Variants in TFB1M observed in about 807,000 individuals in gnomAD.
TFB1M encodes dimethyladenosine transferase 1, mitochondrial.
A neutral mutation model predicts 31.1 loss-of-function variants in TFB1M; 27 were observed. The observed-to-expected ratio is 0.87, with a 90% confidence interval of 0.64 to 1.20. TFB1M has a LOEUF of 1.20. TFB1M is among the 50% of genes most tolerant of loss of function. The pLI is 0.00. For synonymous variants in TFB1M, 166 were observed against 151.8 expected, an observed-to-expected ratio of 1.09 and a Z score of -0.69; for missense variants, 394 against 418.7, an observed-to-expected ratio of 0.94 and a Z score of 0.51.
chr6:155,302,145 T>A lies in TFB1M; in HGVS notation c.286-3560A>T, dbSNP rs1330266126. Among the ~76,000 whole-genome samples, 4 of 152,340 alleles carry A rather than the reference T, an allele frequency of 2.6e-5. No homozygotes were observed. The East Asian group carries it at 5.8e-4, about 22-fold the overall frequency. Reference sequence around the variant, plus strand: ...AATTCTTAGAACTTACACAAAATTATCGATTCCTTAAGAAGAAATACTACA... The same window carrying A: ...AATTCTTAGAACTTACACAAAATTAACGATTCCTTAAGAAGAAATACTACA... On this transcript the variant is annotated intron_variant, in intron 2 of 6. Coordinates refer to ENST00000367166, the MANE Select transcript of TFB1M (RefSeq NM_016020.4).
downstream of TFB1M, chr6:155,252,942 T>C (rs1312918770): frequency 6.2e-6 from 10 of 1,613,690 alleles, no homozygotes; most frequent in Non-Finnish European, 8.5e-6. Flanking sequence ...GGCCTTCATG[T>C]TACAGCCCTC....
At chr6:155,239,481 T>C in the TFB1M span, among the ~76,000 whole-genome samples, 1 of 152,130 alleles carries the variant, frequency 6.6e-6, no homozygotes, top group South Asian at 2.1e-4. Context: ...GAATGAGAAG[T>C]AAAAGGACAC....
At chr6:155,251,229 GCT>G (rs1265790794), downstream of TFB1M, among the ~76,000 whole-genome samples, 2 of 152,186 alleles carry the variant, frequency 1.3e-5, no homozygotes, top group African/African-American at 4.8e-5. Context: ...CTGCTGCTTG[GCT>G]CAGGCCAAGT....
At chr6:155,254,195 T>G, downstream of TFB1M, 1 of 1,043,250 alleles carries the variant, frequency 9.6e-7, no homozygotes, top group Non-Finnish European at 1.4e-6. Context: ...AAAAGGCAAC[T>G]GAGGCCGCTA....
At chr6:155,249,106 A>C in the TFB1M span, among the ~76,000 whole-genome samples, 1 of 152,178 alleles carries the variant, frequency 6.6e-6, no homozygotes, top group South Asian at 2.1e-4. Context: ...GATTTAAAAA[A>C]CTTCCTTCCA....
At chr6:155,250,989 A>G in the TFB1M span, 1 of 1,614,170 alleles carries the variant, frequency 6.2e-7, no homozygotes. Context: ...TCTCTAGGAA[A>G]AGCTAGAAAG....
downstream of TFB1M, chr6:155,254,594 G>GTGTT (rs749191073): frequency 2.9e-5 from 46 of 1,604,260 alleles, no homozygotes; most frequent in Non-Finnish European, 3.8e-5. Flanking sequence ...TGCTAGCCTT[G>GTGTT]TGTTTATTCA....
In TFB1M at chr6:155,256,862, G is replaced by A. The variant is rs1470201822; in HGVS notation, c.*974C>T. Reference sequence around the variant, plus strand: ...GAGCAGCAGCCTGGCCCGGAGTCGGGTGAGGGTCAGAAAGGAGGAGAGCAG... The same window carrying A: ...GAGCAGCAGCCTGGCCCGGAGTCGGATGAGGGTCAGAAAGGAGGAGAGCAG... On this transcript the variant is annotated 3_prime_UTR_variant, in exon 7 of 7. Coordinates refer to ENST00000367166, the MANE Select transcript of TFB1M (RefSeq NM_016020.4). The A allele has an allele frequency of 5.0e-6, 8 of 1,614,108 alleles. No homozygotes were observed. The highest frequency in any genetic ancestry group is 4.0e-5 in the African/African-American group (3 of 74,928).
chr6:155,297,163 T>C (rs1777214518), intron 3 of TFB1M, 59 bp from the exon 4 acceptor site: 2 of 1,556,354 alleles, frequency 1.3e-6, no homozygotes, highest in African/African-American at 1.4e-5. Flanking sequence ...TGAATACAAT[T>C]TCAGTGACGA....
downstream of TFB1M, chr6:155,254,093 G>T (rs1316042122): frequency 2.5e-6 from 4 of 1,588,472 alleles, no homozygotes; most frequent in Admixed American, 5.1e-5. Flanking sequence ...AAAACCAACA[G>T]AAATAACATA....
chr6:155,254,232 T>C (rs1783860275), downstream of TFB1M: 10 of 996,218 alleles, frequency 1.0e-5, no homozygotes, highest in South Asian at 1.4e-4. Context: ...ATTAAATAAA[T>C]ATCAAAATCT....
At chr6:155,284,825 A>C (rs566533142) in intron 5 of TFB1M, among the ~76,000 whole-genome samples, 1 of 152,314 alleles carries the variant, frequency 6.6e-6, no homozygotes, top group Non-Finnish European at 1.5e-5. Context: ...AAAGTATTTT[A>C]TTTCTTTTCT....
chr6:155,293,438 A>G (rs1442056809), intron 4 of TFB1M, among the ~76,000 whole-genome samples: 1 of 152,124 alleles, frequency 6.6e-6, no homozygotes, highest in East Asian at 1.9e-4. Context: ...TTCACCATAC[A>G]TTTTAGCATA....
At chr6:155,290,101 T>C (rs1486656348) in intron 4 of TFB1M, among the ~76,000 whole-genome samples, 2 of 152,260 alleles carry the variant, frequency 1.3e-5, no homozygotes, top group South Asian at 2.1e-4. Context: ...TGGACTAACA[T>C]AGGGGCTGGG....
At chr6:155,278,008 T>C (rs1251699107) in intron 5 of TFB1M, among the ~76,000 whole-genome samples, 2 of 152,210 alleles carry the variant, frequency 1.3e-5, no homozygotes, top group Non-Finnish European at 2.9e-5. Flanking sequence ...AGTATTTTCT[T>C]CCTAAGTAGA....
chr6:155,241,859 C>T, the TFB1M span, among the ~76,000 whole-genome samples: 3 of 152,116 alleles, frequency 2.0e-5, no homozygotes, highest in Non-Finnish European at 4.4e-5. Flanking sequence ...CGCTGTGTGG[C>T]GCTGTAGATA....
intron 5 of TFB1M, among the ~76,000 whole-genome samples, chr6:155,270,131 C>A (rs920479333): frequency 2.0e-5 from 3 of 152,206 alleles, no homozygotes; most frequent in African/African-American, 7.2e-5. Flanking sequence ...CTTTTAAGAT[C>A]TCAGGCGGCC....
At chr6:155,281,950 TAC>T (rs922692635) in intron 5 of TFB1M, among the ~76,000 whole-genome samples, 2 of 152,074 alleles carry the variant, frequency 1.3e-5, no homozygotes, top group Admixed American at 1.3e-4. Flanking sequence ...CTCAGGGATC[TAC>T]AGAGGCTAAT....
rs144970307 is a variant in TFB1M, at chr6:155,311,289, C to G, written c.184G>C (p.Val62Leu). 1.2e-6 allele frequency: 2 copies of G among 1,613,914 alleles called. No individual in the cohort carries two copies. The highest frequency in any genetic ancestry group is 2.7e-5 in the African/African-American group (2 of 74,914). Residue 62 changes from valine to leucine, a missense_variant, in exon 2 of 7, where the codon GTG (valine) becomes CTG (leucine). Physicochemically the swap from Val to Leu is conservative, Grantham distance 32. This residue lies in a region of TFB1M where 273 missense variants were observed against 256.4 expected (regional missense o/e 1.06). Transcript: ENST00000367166. Reference protein sequence around the residue: ...GNLTNAYVYEVGPGPGGITRS... With the variant: ...GNLTNAYVYELGPGPGGITRS... ...GTGATTCCCCCTGGCCCAGGGCCCACTTCGTAAACATAAGCATTTGTCAGA... is the reference window on the plus strand; with the variant it reads ...GTGATTCCCCCTGGCCCAGGGCCCAGTTCGTAAACATAAGCATTTGTCAGA...
Sources: gnomAD v4.1 joint callset for allele counts (sites outside exome capture counted in the v4.1 genomes callset) on GRCh38, gnomAD v4.1.1 for gene constraint, gnomAD v4.1.1 regional missense constraint, MANE v1.5 for transcripts, NCBI Gene and HGNC (gene_info 2026-07-23, HGNC 2026-07-21) for gene names.